Variants in PTPRD observed in about 807,000 individuals in gnomAD.
The protein encoded by PTPRD is receptor-type tyrosine-protein phosphatase delta.
Under a neutral mutation model 214.5 loss-of-function variants are expected in PTPRD, and 34 were observed. That is an observed-to-expected ratio of 0.16 (90% CI 0.12 to 0.21). The LOEUF is 0.21. PTPRD is among the 10% of genes least tolerant of loss of function. The pLI, the probability that PTPRD is intolerant of heterozygous loss-of-function variation, is 1.00. For synonymous variants in PTPRD, 1,128 were observed against 845.7 expected, an observed-to-expected ratio of 1.33 and a Z score of -5.79; for missense variants, 2,545 against 2,398.7, an observed-to-expected ratio of 1.06 and a Z score of -1.27.
intron 2 of PTPRD, among the ~76,000 whole-genome samples, chr9:10,540,866 G>A (rs4548231): frequency 2.6e-5 from 4 of 152,140 alleles, no homozygotes; most frequent in Non-Finnish European, 5.9e-5. Context: ...GCACAATTTA[G>A]AATGACTGGC....
intron 2 of PTPRD, among the ~76,000 whole-genome samples, chr9:10,364,645 A>C (rs1355749117): frequency 6.6e-6 from 1 of 152,192 alleles, no homozygotes; most frequent in Non-Finnish European, 1.5e-5. Flanking sequence ...AGCAACTTAC[A>C]TGTCACAGAT....
At chr9:9,590,727 A>G (rs1592365256) in intron 7 of PTPRD, among the ~76,000 whole-genome samples, 1 of 152,034 alleles carries the variant, frequency 6.6e-6, no homozygotes, top group Non-Finnish European at 1.5e-5. Context: ...TCTGAATCTT[A>G]GGCATATTAC....
chr9:9,620,540 T>C (rs1162643164), intron 7 of PTPRD, among the ~76,000 whole-genome samples: 1 of 152,142 alleles, frequency 6.6e-6, no homozygotes, highest in Non-Finnish European at 1.5e-5. Context: ...CAAGTTTCAC[T>C]GTATTTCTCA....
intron 3 of PTPRD, among the ~76,000 whole-genome samples, chr9:10,076,867 T>A (rs927906113): frequency 3.9e-5 from 6 of 152,124 alleles, no homozygotes; most frequent in African/African-American, 9.7e-5. Flanking sequence ...AACATGAAGG[T>A]CAATTTGAAA....
intron 2 of PTPRD, among the ~76,000 whole-genome samples, chr9:10,574,550 T>A (rs765695027): frequency 3.3e-5 from 5 of 151,980 alleles, no homozygotes; most frequent in Non-Finnish European, 5.9e-5. Context: ...AAATATATCA[T>A]TTCTAAGCTC....
intron 8 of PTPRD, among the ~76,000 whole-genome samples, chr9:9,558,515 T>C (rs189421871): frequency 9.7e-4 from 147 of 152,228 alleles, no homozygotes; most frequent in African/African-American, 3.0e-3. Flanking sequence ...ACCTGATACA[T>C]AGACAGGCTT....
At chr9:8,621,058 C>T (rs534423401) in intron 14 of PTPRD, among the ~76,000 whole-genome samples, 2 of 151,926 alleles carry the variant, frequency 1.3e-5, no homozygotes, top group African/African-American at 2.4e-5. Flanking sequence ...TATAATCAAC[C>T]GGAGATACTA....
intron 41 of PTPRD, 78 bp downstream of exon 41, chr9:8,341,012 G>A (rs1851938209): frequency 2.2e-6 from 3 of 1,361,308 alleles, no homozygotes; most frequent in South Asian, 1.7e-5. Flanking sequence ...GAATGGAGAT[G>A]AAATTTATTC....
chr9:10,320,908 TG>T (rs2096541401), intron 3 of PTPRD, among the ~76,000 whole-genome samples: 2 of 151,916 alleles, frequency 1.3e-5, no homozygotes, highest in South Asian at 4.1e-4. Flanking sequence ...TTGTGGTTTT[TG>T]TAGAAACAGG....
chr9:10,128,745 G>C lies in PTPRD; in HGVS notation c.-544-94955C>G, dbSNP rs542845409. Among the ~76,000 whole-genome samples the C allele has an allele frequency of 4.6e-5, 7 of 152,220 alleles. 1 individual carries two copies. In the South Asian group the frequency reaches 1.5e-3, roughly 32 times the overall value. On this transcript the variant is annotated intron_variant, in intron 3 of 45. Coordinates refer to ENST00000381196, the MANE Select transcript of PTPRD (RefSeq NM_002839.4). The stretch of plus-strand genomic sequence containing the variant: ...CCCTCACCGTTAAGAACTAGTCCAA[G>C]TTTCACAACCATCACAAACTGTTTT...
chr9:9,698,961 C>G (rs1007052413), intron 7 of PTPRD, among the ~76,000 whole-genome samples: 1 of 152,150 alleles, frequency 6.6e-6, no homozygotes, highest in Non-Finnish European at 1.5e-5. Flanking sequence ...TTCGGTAATT[C>G]ACTGTTCCTT....
chr9:8,714,726 C>G (rs1386931538), intron 12 of PTPRD, among the ~76,000 whole-genome samples: 2 of 152,082 alleles, frequency 1.3e-5, no homozygotes, highest in Admixed American at 6.6e-5. Context: ...TCTCACTGAC[C>G]TGACTACCCA....
At chr9:8,448,363 A>G (rs1026497189) in intron 34 of PTPRD, among the ~76,000 whole-genome samples, 1 of 152,010 alleles carries the variant, frequency 6.6e-6, no homozygotes, top group African/African-American at 2.4e-5. Flanking sequence ...ACCAAAAACA[A>G]AAAGAAGTTG....
At chr9:8,374,516 G>A (rs537956412) in intron 39 of PTPRD, among the ~76,000 whole-genome samples, 1 of 152,130 alleles carries the variant, frequency 6.6e-6, no homozygotes, top group East Asian at 1.9e-4. Context: ...AGTCCTCAAA[G>A]GACCCTGTCT....
At chr9:8,767,425 T>C (rs149265793) in intron 11 of PTPRD, among the ~76,000 whole-genome samples, 154 of 152,232 alleles carry the variant, frequency 1.0e-3, no homozygotes, top group Middle Eastern at 6.8e-3. Context: ...CGTCCCACAT[T>C]TTTTGAACCA....
chr9:8,986,742 A>T (rs1164749750), intron 11 of PTPRD, among the ~76,000 whole-genome samples: 1 of 152,100 alleles, frequency 6.6e-6, no homozygotes, highest in East Asian at 1.9e-4. Flanking sequence ...GAAGTGCCAG[A>T]TACAAATGTG....
At position 8,809,081 on chromosome 9, in the gene PTPRD, G is replaced by C. The variant is rs145522499; in HGVS notation, c.-103-75135C>G. 1.0e-3 allele frequency among the ~76,000 whole-genome samples: 154 copies of C among 152,234 alleles called. 1 individual carries two copies. Among genetic ancestry groups the C allele is most frequent in the East Asian group, 6.0e-3 (31 of 5,180 alleles). Reference sequence around the variant, plus strand: ...ACAGCTTGGTTTTCAAGGTCACCAAGCTAGTTGTTACACCACTTAGACTTG... The same window carrying C: ...ACAGCTTGGTTTTCAAGGTCACCAACCTAGTTGTTACACCACTTAGACTTG... On this transcript the variant is annotated intron_variant, in intron 11 of 45. Coordinates refer to ENST00000381196, the MANE Select transcript of PTPRD (RefSeq NM_002839.4).
intron 5 of PTPRD, among the ~76,000 whole-genome samples, chr9:9,819,218 C>T (rs1382782975): frequency 6.6e-6 from 1 of 152,150 alleles, no homozygotes; most frequent in Non-Finnish European, 1.5e-5. Flanking sequence ...GAGGAAGTGT[C>T]TTCATTGATG....
At chr9:8,802,178 C>T (rs116977033) in intron 11 of PTPRD, among the ~76,000 whole-genome samples, 2,087 of 152,206 alleles carry the variant, frequency 0.014, 27 homozygotes, top group Non-Finnish European at 0.022. Context: ...TAAACTCTAA[C>T]TAGAGAAAGA....
Sources: allele counts gnomAD v4.1 joint callset (sites outside exome capture counted in the v4.1 genomes callset), GRCh38; gene constraint gnomAD v4.1.1; transcripts MANE v1.5; gene names NCBI Gene and HGNC (gene_info 2026-07-23, HGNC 2026-07-21).